KHDRBS2: variants seen among roughly 807,000 people sequenced by gnomAD.
KHDRBS2 encodes the protein KH RNA binding domain containing, signal transduction associated 2.
In KHDRBS2, 26 loss-of-function variants were observed where a neutral mutation model predicts 44.3. The ratio of observed to expected loss-of-function variants is 0.59; its 90% CI spans 0.43 to 0.81. The LOEUF (loss-of-function observed/expected upper bound fraction) is 0.81, where lower values mean the gene tolerates loss of function less well. Among genes scored for constraint, KHDRBS2 ranks in the 40% least tolerant of loss-of-function variants. The pLI, the probability that KHDRBS2 is intolerant of heterozygous loss-of-function variation, is 0.00. For synonymous variants in KHDRBS2, 194 were observed against 151.1 expected (o/e 1.28, Z -2.08); for missense variants, 476 against 433.1 (o/e 1.10, Z -0.88).
intron 1 of KHDRBS2, among the ~76,000 whole-genome samples, chr6:62,209,056 T>C (rs1268767419): frequency 6.6e-6 from 1 of 151,954 alleles, no homozygotes; most frequent in East Asian, 1.9e-4. Context: ...ATCAATGAAA[T>C]AAAAAGACAA....
At chr6:62,185,363 T>C (rs1451335236) in intron 1 of KHDRBS2, among the ~76,000 whole-genome samples, 8 of 151,962 alleles carry the variant, frequency 5.3e-5, no homozygotes, top group Admixed American at 4.6e-4. Context: ...ATCTGAACTA[T>C]GTTGCTAGCA....
At chr6:62,078,026 T>C (rs1463019784) in intron 2 of KHDRBS2, among the ~76,000 whole-genome samples, 1 of 152,106 alleles carries the variant, frequency 6.6e-6, no homozygotes. Flanking sequence ...GTAGCATCAT[T>C]ACAATGGCAT....
chr6:61,762,401 T>A (rs141105859), intron 6 of KHDRBS2, among the ~76,000 whole-genome samples: 2 of 152,300 alleles, frequency 1.3e-5, no homozygotes, highest in East Asian at 3.9e-4. Context: ...ATCCACAATG[T>A]TGGAGATAGG....
At chr6:61,556,279 A>T in the KHDRBS2 span, among the ~76,000 whole-genome samples, 1 of 152,216 alleles carries the variant, frequency 6.6e-6, no homozygotes, top group African/African-American at 2.4e-5. Context: ...GTGCATTCAC[A>T]CTGGTGGCAA....
At chr6:62,199,625 G>C (rs901191692) in intron 1 of KHDRBS2, among the ~76,000 whole-genome samples, 5 of 152,154 alleles carry the variant, frequency 3.3e-5, no homozygotes, top group Admixed American at 1.3e-4. Context: ...CTCATGGGTA[G>C]GAAGACTCAA....
chr6:61,826,174 C>A (rs1223766938), intron 6 of KHDRBS2, among the ~76,000 whole-genome samples: 1 of 152,046 alleles, frequency 6.6e-6, no homozygotes, highest in Non-Finnish European at 1.5e-5. Flanking sequence ...GTTTTATGGG[C>A]ATATTTTAGG....
At chr6:61,832,341 T>A (rs547707270) in intron 6 of KHDRBS2, among the ~76,000 whole-genome samples, 1 of 152,198 alleles carries the variant, frequency 6.6e-6, no homozygotes, top group Admixed American at 6.5e-5. Context: ...CACCTAATCA[T>A]GGTTTGGAGT....
chr6:62,221,421 C>T (rs180685600), intron 1 of KHDRBS2, among the ~76,000 whole-genome samples: 138 of 152,048 alleles, frequency 9.1e-4, no homozygotes, highest in African/African-American at 3.1e-3. Flanking sequence ...ATACTGTATT[C>T]AAGATTTTTG....
At chr6:61,987,887 CA>C (rs1775355139) in intron 3 of KHDRBS2, among the ~76,000 whole-genome samples, 1 of 152,124 alleles carries the variant, frequency 6.6e-6, no homozygotes, top group African/African-American at 2.4e-5. Context: ...TCAGGCCATC[CA>C]TACTCCAAAT....
At chr6:61,704,365 G>GTTT (rs1241614776) in intron 7 of KHDRBS2, among the ~76,000 whole-genome samples, 1 of 151,754 alleles carries the variant, frequency 6.6e-6, no homozygotes, top group Admixed American at 6.6e-5. Flanking sequence ...TGTTGTTGTT[G>GTTT]TTTTTCATCG....
At chr6:61,560,966 T>A in the KHDRBS2 span, among the ~76,000 whole-genome samples, 1 of 152,144 alleles carries the variant, frequency 6.6e-6, no homozygotes, top group Non-Finnish European at 1.5e-5. Flanking sequence ...TTAGGAAAGC[T>A]TTTCAGGTAT....
At chr6:61,795,022 C>T (rs1785113457) in intron 6 of KHDRBS2, among the ~76,000 whole-genome samples, 1 of 151,514 alleles carries the variant, frequency 6.6e-6, no homozygotes, top group Non-Finnish European at 1.5e-5. Flanking sequence ...ACCTGTAATC[C>T]TAGCTACTTG....
chr6:62,027,397 A>G (rs1165198153), intron 3 of KHDRBS2, among the ~76,000 whole-genome samples: 1 of 152,130 alleles, frequency 6.6e-6, no homozygotes, highest in Non-Finnish European at 1.5e-5. Flanking sequence ...GGTTTCTAGC[A>G]TGGAGCTCTT....
At chr6:62,107,181 T>C (rs1042454457) in intron 2 of KHDRBS2, among the ~76,000 whole-genome samples, 1 of 152,074 alleles carries the variant, frequency 6.6e-6, no homozygotes, top group Non-Finnish European at 1.5e-5. Flanking sequence ...CATGATTGTA[T>C]ATCTAGAAAA....
At chr6:61,705,895 T>C (rs1010286734) in intron 7 of KHDRBS2, among the ~76,000 whole-genome samples, 3 of 151,846 alleles carry the variant, frequency 2.0e-5, no homozygotes, top group African/African-American at 7.2e-5. Context: ...TAACATGGTA[T>C]TGTTGAAAAT....
intron 2 of KHDRBS2, among the ~76,000 whole-genome samples, chr6:62,063,320 C>T (rs543931657): frequency 6.6e-6 from 1 of 151,078 alleles, no homozygotes; most frequent in Admixed American, 6.6e-5. Context: ...GGCAGAGACA[C>T]AACCGAACAA....
chr6:61,787,731 G>T (rs1784031731), intron 6 of KHDRBS2, among the ~76,000 whole-genome samples: 1 of 151,568 alleles, frequency 6.6e-6, no homozygotes, highest in South Asian at 2.1e-4. Context: ...ATATTTCCTG[G>T]TTTCTTCCAA....
At chr6:62,186,571 TCATA>T (rs1823465205) in intron 1 of KHDRBS2, among the ~76,000 whole-genome samples, 1 of 150,882 alleles carries the variant, frequency 6.6e-6, no homozygotes, top group Non-Finnish European at 1.5e-5. Context: ...GCTAGGAATA[TCATA>T]CATATTCATT....
intron 6 of KHDRBS2, among the ~76,000 whole-genome samples, chr6:61,738,022 A>G (rs1174639707): frequency 6.6e-6 from 1 of 152,020 alleles, no homozygotes; most frequent in Non-Finnish European, 1.5e-5. Flanking sequence ...ATGAATATTG[A>G]ATTAAGAAAT....
Sources: allele counts gnomAD v4.1 joint callset (sites outside exome capture counted in the v4.1 genomes callset), GRCh38; gene constraint gnomAD v4.1.1; transcripts MANE v1.5; gene names NCBI Gene and HGNC (gene_info 2026-07-23, HGNC 2026-07-21).